Variants in DIAPH3 observed in about 807,000 individuals in gnomAD.
DIAPH3 encodes the protein diaphanous related formin 3.
Under a neutral mutation model 144.3 loss-of-function variants are expected in DIAPH3, and 117 were observed. The observed-to-expected ratio is 0.81, with a 90% CI of 0.70 to 0.95. The LOEUF (loss-of-function observed/expected upper bound fraction) is 0.95. DIAPH3 is among the 40% of genes least tolerant of loss of function. DIAPH3 has a pLI of 0.00. For synonymous variants in DIAPH3, 519 were observed against 488.9 expected, an observed-to-expected ratio of 1.06 and a Z score of -0.81; for missense variants, 1,421 against 1,412.7, an observed-to-expected ratio of 1.01 and a Z score of -0.09.
At chr13:59,875,132 T>A (rs2044534018) in intron 21 of DIAPH3, among the ~76,000 whole-genome samples, 1 of 152,144 alleles carries the variant, frequency 6.6e-6, no homozygotes, top group Non-Finnish European at 1.5e-5. Context: ...CTTTTCTAGG[T>A]CAGCATTTTG....
intron 2 of DIAPH3, among the ~76,000 whole-genome samples, chr13:60,132,158 G>A (rs557328854): frequency 6.6e-6 from 1 of 152,196 alleles, no homozygotes; most frequent in South Asian, 2.1e-4. Context: ...CAAGATCTAC[G>A]TTTCATTCGT....
At chr13:60,125,491 T>C (rs758258073) in intron 2 of DIAPH3, among the ~76,000 whole-genome samples, 1 of 148,754 alleles carries the variant, frequency 6.7e-6, no homozygotes, top group African/African-American at 2.5e-5. Context: ...TCCTCCCACT[T>C]CAGCCTCCCA....
intron 27 of DIAPH3, among the ~76,000 whole-genome samples, chr13:59,667,349 T>A (rs994962231): frequency 1.3e-5 from 2 of 152,244 alleles, no homozygotes; most frequent in Non-Finnish European, 2.9e-5. Flanking sequence ...GACATTATTT[T>A]AAATACTGCT....
chr13:59,826,378 A>G (rs1394905819), intron 24 of DIAPH3, among the ~76,000 whole-genome samples: 1 of 145,568 alleles, frequency 6.9e-6, no homozygotes, highest in Non-Finnish European at 1.5e-5. Context: ...GCATTCTTAT[A>G]CACCAATAAC....
intron 5 of DIAPH3, among the ~76,000 whole-genome samples, chr13:60,021,442 C>T (rs1386778991): frequency 6.6e-6 from 1 of 152,030 alleles, no homozygotes; most frequent in African/African-American, 2.4e-5. Context: ...CTGGCCAACA[C>T]GGAGAAACCC....
chr13:60,057,872 C>T (rs2056616707), intron 4 of DIAPH3, among the ~76,000 whole-genome samples: 1 of 151,772 alleles, frequency 6.6e-6, no homozygotes, highest in African/African-American at 2.4e-5. Context: ...ATCCCTATCA[C>T]TCACAATATA....
intron 18 of DIAPH3, among the ~76,000 whole-genome samples, chr13:59,922,640 T>C (rs1260224266): frequency 6.6e-6 from 1 of 152,072 alleles, no homozygotes; most frequent in Non-Finnish European, 1.5e-5. Context: ...ATGAAGATCA[T>C]AGGCTGCTAA....
rs188543545 is a variant in DIAPH3, at chr13:60,089,328, G to A, written c.495+4300C>T. The stretch of plus-strand genomic sequence containing the variant: ...CAGAAATCATCTTTTAACAGTATCT[G>A]ATGGAGTACTTTAAGCATTCTAAGG... On this transcript the variant is annotated intron_variant, in intron 4 of 27. Transcript: ENST00000400324. Among the ~76,000 whole-genome samples the A allele has an allele frequency of 2.6e-4, 40 of 152,238 alleles. 1 individual carries two copies. The highest frequency in any genetic ancestry group is 3.4e-3 in the Middle Eastern group (1 of 294).
At chr13:59,799,113 A>G (rs1300147289) in intron 25 of DIAPH3, among the ~76,000 whole-genome samples, 1 of 152,200 alleles carries the variant, frequency 6.6e-6, no homozygotes, top group Non-Finnish European at 1.5e-5. Context: ...GGAGGGAACT[A>G]AGAGAAATCC....
chr13:59,941,420 G>A (rs948401654), intron 17 of DIAPH3, among the ~76,000 whole-genome samples: 3 of 152,116 alleles, frequency 2.0e-5, no homozygotes, highest in Non-Finnish European at 4.4e-5. Flanking sequence ...ATGGTGCAAG[G>A]CTGAAGGAGA....
rs2050745386 is a variant in DIAPH3 at position 59,977,511 on chromosome 13, T to C, written c.1546-3055A>G. Among the ~76,000 whole-genome samples the C allele has an allele frequency of 5.9e-5, 9 of 151,736 alleles. No individual in the cohort carries two copies. In the Admixed American group the frequency reaches 5.9e-4, roughly 10 times the overall value. ...AGGTATGTATAATAAGTAAACAACA[T>C]AATCAAATTTTTACTTTCAAAAACT... On this transcript the variant is annotated intron_variant, in intron 14 of 27. Transcript: ENST00000400324.
chr13:59,864,003 A>C (rs552638261), intron 21 of DIAPH3, among the ~76,000 whole-genome samples: 1 of 152,172 alleles, frequency 6.6e-6, no homozygotes, highest in Non-Finnish European at 1.5e-5. Flanking sequence ...TGTTAAGTAT[A>C]CATTATAGTG....
intron 18 of DIAPH3, among the ~76,000 whole-genome samples, chr13:59,919,962 A>G (rs2140280690): frequency 6.6e-6 from 1 of 152,110 alleles, no homozygotes; most frequent in East Asian, 1.9e-4. Flanking sequence ...TAAGTGATCA[A>G]GTTTATCAGT....
intron 18 of DIAPH3, among the ~76,000 whole-genome samples, chr13:59,922,334 C>T (rs947387049): frequency 6.6e-6 from 1 of 152,002 alleles, no homozygotes; most frequent in Non-Finnish European, 1.5e-5. Context: ...TTCTCTTGAT[C>T]CTAGTGTCTG....
intron 1 of DIAPH3, among the ~76,000 whole-genome samples, chr13:60,137,957 C>T (rs1200670046): frequency 6.6e-6 from 1 of 152,018 alleles, no homozygotes; most frequent in Non-Finnish European, 1.5e-5. Context: ...ATCCTGACCT[C>T]AGGTGATCCT....
chr13:59,669,279 C>T lies in DIAPH3; in HGVS notation c.3320-2433G>A, dbSNP rs139044264. ...TTCCTGGTCTCACTTAGATTCATGA[C>T]TATGAACTTCAAAAGCATGACCTTT... On this transcript the variant is annotated intron_variant, in intron 27 of 27. Transcript: ENST00000400324. Among the ~76,000 whole-genome samples the T allele has an allele frequency of 1.6e-3, 245 of 152,300 alleles. 4 individuals are homozygous for T. The East Asian group carries it at 0.029, about 18-fold the overall frequency.
At chr13:60,134,917 T>C (rs917494179) in intron 1 of DIAPH3, among the ~76,000 whole-genome samples, 1 of 152,102 alleles carries the variant, frequency 6.6e-6, no homozygotes, top group African/African-American at 2.4e-5. Flanking sequence ...AAAAGTGATA[T>C]TTTAAAAAGT....
intron 27 of DIAPH3, among the ~76,000 whole-genome samples, chr13:59,690,057 A>C (rs1389923817): frequency 2.6e-5 from 4 of 152,056 alleles, no homozygotes; most frequent in Non-Finnish European, 5.9e-5. Context: ...CGACTTGCTC[A>C]TGGTGAAGAA....
intron 24 of DIAPH3, among the ~76,000 whole-genome samples, chr13:59,831,023 T>A (rs1434139155): frequency 1.3e-5 from 2 of 151,792 alleles, no homozygotes; most frequent in African/African-American, 2.4e-5. Context: ...GAAGATTATA[T>A]GGGTTTAAAT....
Sources: allele counts gnomAD v4.1 joint callset (sites outside exome capture counted in the v4.1 genomes callset), GRCh38; gene constraint gnomAD v4.1.1; transcripts MANE v1.5; gene names NCBI Gene and HGNC (gene_info 2026-07-23, HGNC 2026-07-21).